AKAP6: variants seen among roughly 807,000 people sequenced by gnomAD.
AKAP6 encodes the protein A-kinase anchoring protein 6.
In AKAP6, 58 loss-of-function variants were observed where a neutral mutation model predicts 188.5. The ratio of observed to expected loss-of-function variants is 0.31; its 90% CI spans 0.25 to 0.38. AKAP6 has a LOEUF of 0.38. AKAP6 is among the 10% of genes least tolerant of loss of function. The pLI is 1.00. For synonymous variants in AKAP6, 989 were observed against 998.6 expected (o/e 0.99, Z 0.18); for missense variants, 2,710 against 2,740.0 (o/e 0.99, Z 0.24).
At chr14:32,575,631 T>A (rs1884682870) in intron 4 of AKAP6, among the ~76,000 whole-genome samples, 1 of 152,146 alleles carries the variant, frequency 6.6e-6, no homozygotes, top group Non-Finnish European at 1.5e-5. Context: ...TGGGATAGAT[T>A]TTTGAAAGAA....
chr14:32,515,419 T>G (rs1566549542), intron 2 of AKAP6, among the ~76,000 whole-genome samples: 1 of 152,148 alleles, frequency 6.6e-6, no homozygotes, highest in Non-Finnish European at 1.5e-5. Context: ...AGTCTTCTGA[T>G]TCTCACTTAG....
Position 32,467,221 on chromosome 14 carries a change from A to C in AKAP6, c.324+33404A>C, listed in dbSNP as rs115588736. Among the ~76,000 whole-genome samples the C allele has an allele frequency of 6.3e-3, 452 of 71,932 alleles. 5 individuals carry two copies. The highest frequency in any genetic ancestry group is 0.013 in the African/African-American group (397 of 29,846). The allele number at this position is 71,932 out of a possible 152,430, so 47.2% of individuals were successfully genotyped here. On this transcript the variant is annotated intron_variant, in intron 2 of 13. Transcript: ENST00000280979. ...AAATAAAAGTTGGAAGGAAAAAAAA[A>C]CAAAAACAAAAAGAAGAGTTCTTAT...
intron 5 of AKAP6, among the ~76,000 whole-genome samples, chr14:32,595,556 T>C (rs1885658959): frequency 6.6e-6 from 1 of 152,122 alleles, no homozygotes; most frequent in Non-Finnish European, 1.5e-5. Flanking sequence ...TTGCCCAGGC[T>C]GGAGTGCAGT....
At chr14:32,478,207 G>C (rs1390146661) in intron 2 of AKAP6, among the ~76,000 whole-genome samples, 1 of 152,168 alleles carries the variant, frequency 6.6e-6, no homozygotes, top group African/African-American at 2.4e-5. Context: ...GCCAACATTA[G>C]TGAATGTTGT....
chr14:32,461,329 G>A (rs983431488), intron 2 of AKAP6, among the ~76,000 whole-genome samples: 19 of 152,138 alleles, frequency 1.2e-4, no homozygotes, highest in South Asian at 2.1e-4. Context: ...AGGAGAGCTC[G>A]GGCTAACATC....
chr14:32,395,150 C>A (rs1035692241), intron 1 of AKAP6, among the ~76,000 whole-genome samples: 1 of 152,044 alleles, frequency 6.6e-6, no homozygotes, highest in Non-Finnish European at 1.5e-5. Context: ...ATGTTCAGTT[C>A]CAAGCAGGCT....
chr14:32,770,136 C>T (rs2032853726), intron 11 of AKAP6, among the ~76,000 whole-genome samples: 2 of 152,154 alleles, frequency 1.3e-5, no homozygotes, highest in Admixed American at 1.3e-4. Context: ...CACCCCTGCA[C>T]ATTGCCACTG....
At chr14:32,346,601 C>T (rs900440262) in intron 1 of AKAP6, among the ~76,000 whole-genome samples, 4 of 152,204 alleles carry the variant, frequency 2.6e-5, no homozygotes, top group East Asian at 3.8e-4. Flanking sequence ...CTCCGCCTCC[C>T]GGGTTCACGC....
chr14:32,729,443 G>C (rs1369445713), intron 9 of AKAP6, among the ~76,000 whole-genome samples: 1 of 152,134 alleles, frequency 6.6e-6, no homozygotes, highest in Non-Finnish European at 1.5e-5. Flanking sequence ...CTAAAAGTAA[G>C]TACTCAATAA....
At chr14:32,632,337 T>G (rs916482149) in intron 7 of AKAP6, among the ~76,000 whole-genome samples, 1 of 152,108 alleles carries the variant, frequency 6.6e-6, no homozygotes, top group Admixed American at 6.6e-5. Context: ...GTCTAATCAT[T>G]TATTCTATGA....
intron 4 of AKAP6, among the ~76,000 whole-genome samples, chr14:32,560,629 A>G (rs997375144): frequency 6.6e-6 from 1 of 152,278 alleles, no homozygotes; most frequent in African/African-American, 2.4e-5. Context: ...AGATGATAAC[A>G]GTGCCTAACT....
intron 7 of AKAP6, among the ~76,000 whole-genome samples, chr14:32,658,115 C>G (rs1211686730): frequency 6.6e-6 from 1 of 151,774 alleles, no homozygotes; most frequent in African/African-American, 2.4e-5. Context: ...TTCTTTGATC[C>G]CTGAGAAAGA....
At chr14:32,642,489 C>A (rs1372028837) in intron 7 of AKAP6, among the ~76,000 whole-genome samples, 1 of 152,162 alleles carries the variant, frequency 6.6e-6, no homozygotes, top group African/African-American at 2.4e-5. Context: ...ATATACTTGG[C>A]AGCTGTATAG....
chr14:32,476,564 T>A (rs1056587998), intron 2 of AKAP6, among the ~76,000 whole-genome samples: 6 of 152,218 alleles, frequency 3.9e-5, no homozygotes, highest in African/African-American at 1.2e-4. Context: ...TCCCATCGAA[T>A]TTTATCTAGT....
intron 9 of AKAP6, among the ~76,000 whole-genome samples, chr14:32,730,549 G>T (rs1305195491): frequency 1.3e-5 from 2 of 152,096 alleles, no homozygotes; most frequent in African/African-American, 4.8e-5. Flanking sequence ...GCTGTTTAAA[G>T]TTGGGGTGAA....
chr14:32,402,472 A>G lies in AKAP6; in HGVS notation c.-34-30988A>G, dbSNP rs1057432476. ...AATGCCTTTTCCTACTTTCTTTCCA[A>G]TCCTAATAATTTATCTAGACCAATT... is the stretch of plus-strand genomic sequence containing the variant. On this transcript the variant is annotated intron_variant, in intron 1 of 13. Coordinates refer to ENST00000280979, the MANE Select transcript of AKAP6 (RefSeq NM_004274.5). Among the ~76,000 whole-genome samples, 4 of 152,132 alleles carry G rather than the reference A, an allele frequency of 2.6e-5. No individual in the cohort carries two copies. In the East Asian group the frequency reaches 7.7e-4, roughly 29 times the overall value.
intron 7 of AKAP6, among the ~76,000 whole-genome samples, chr14:32,672,249 AGG>A (rs1248729700): frequency 3.3e-5 from 5 of 152,350 alleles, no homozygotes; most frequent in African/African-American, 1.2e-4. Context: ...TACAAAATAA[AGG>A]GGGGAAACAT....
chr14:32,522,358 A>C (rs1474385957), intron 2 of AKAP6, among the ~76,000 whole-genome samples: 2 of 152,198 alleles, frequency 1.3e-5, no homozygotes, highest in Non-Finnish European at 2.9e-5. Context: ...TAAACTAAAG[A>C]GCTTCTGCAC....
chr14:32,377,166 G>A (rs534789757), intron 1 of AKAP6, among the ~76,000 whole-genome samples: 7 of 152,226 alleles, frequency 4.6e-5, no homozygotes, highest in East Asian at 1.9e-4. Flanking sequence ...ATTTAAAGTC[G>A]GACTTGGATT....
Sources: allele counts gnomAD v4.1 joint callset (sites outside exome capture counted in the v4.1 genomes callset), GRCh38; gene constraint gnomAD v4.1.1; transcripts MANE v1.5; gene names NCBI Gene and HGNC (gene_info 2026-07-23, HGNC 2026-07-21).